JPH2: variants seen among roughly 807,000 people sequenced by gnomAD.
JPH2 encodes junctophilin 2.
A neutral mutation model predicts 55.9 loss-of-function variants in JPH2; 38 were observed. That is an observed-to-expected ratio of 0.68 (90% CI 0.52 to 0.89). JPH2 has a LOEUF of 0.89. Among genes scored for constraint, JPH2 ranks in the 40% least tolerant of loss-of-function variants. The probability of loss-of-function intolerance (pLI) is 0.00; values close to 1 mark genes in which losing one functional copy is unlikely to be tolerated. For synonymous variants in JPH2, 480 were observed against 472.4 expected (o/e 1.02, Z -0.21); for missense variants, 964 against 1,037.6 (o/e 0.93, Z 0.97).
rs543317756 is a variant in JPH2 at position 44,110,057 on chromosome 20, G to A, written c.*3461C>T. ...GGTCAAGATTAGAAGAGGAGGCATC[G>A]GCCTGGCTGTGTCCTACCCTTGAGC... On this transcript the variant is annotated 3_prime_UTR_variant, in exon 6 of 6. Transcript: ENST00000372980. Among the ~76,000 whole-genome samples the A allele has an allele frequency of 3.3e-5, 5 of 152,216 alleles. No individual in the cohort carries two copies. Among genetic ancestry groups the A allele is most frequent in the African/African-American group, 7.2e-5 (3 of 41,522 alleles).
intron 2 of JPH2, among the ~76,000 whole-genome samples, chr20:44,151,011 C>A (rs1235712581): frequency 3.3e-5 from 5 of 151,926 alleles, no homozygotes; most frequent in African/African-American, 1.2e-4. Context: ...GCCTGGGCAA[C>A]AAAGCAAGAC....
chr20:44,182,026 C>T (rs1278427787), intron 1 of JPH2, among the ~76,000 whole-genome samples: 1 of 152,214 alleles, frequency 6.6e-6, no homozygotes, highest in East Asian at 1.9e-4. Flanking sequence ...AGAGCAACCA[C>T]CATTTACTAA....
At chr20:44,146,602 C>T (rs913147111) in intron 2 of JPH2, among the ~76,000 whole-genome samples, 1 of 152,194 alleles carries the variant, frequency 6.6e-6, no homozygotes, top group African/African-American at 2.4e-5. Flanking sequence ...AGCCCATCCT[C>T]AGGGAATTCA....
At chr20:44,157,422 T>C (rs1344790038) in intron 2 of JPH2, among the ~76,000 whole-genome samples, 1 of 152,200 alleles carries the variant, frequency 6.6e-6, no homozygotes, top group African/African-American at 2.4e-5. Flanking sequence ...TTGTTGAGAC[T>C]GTATTGCAAC....
At chr20:44,117,011 T>C (rs1002826492) in intron 3 of JPH2, among the ~76,000 whole-genome samples, 10 of 152,244 alleles carry the variant, frequency 6.6e-5, no homozygotes, top group African/African-American at 2.4e-4. Context: ...CTGGGCGCGG[T>C]GGCTCACGCC....
intron 1 of JPH2, among the ~76,000 whole-genome samples, chr20:44,182,278 A>G (rs1232009110): frequency 6.6e-6 from 1 of 152,174 alleles, no homozygotes; most frequent in African/African-American, 2.4e-5. Context: ...GACTGATGAC[A>G]GGTTGATTAA....
At chr20:44,119,984 A>C (rs1043151452) in intron 2 of JPH2, among the ~76,000 whole-genome samples, 1 of 151,840 alleles carries the variant, frequency 6.6e-6, no homozygotes, top group African/African-American at 2.4e-5. Context: ...AAGGAACTCC[A>C]GCTGCAGCAG....
Position 44,160,821 on chromosome 20 carries a change from C to A in JPH2, c.380-414G>T, listed in dbSNP as rs994258576. On this transcript the variant is annotated intron_variant, in intron 1 of 5. Transcript: ENST00000372980. This position sits in a 1 kb window ranked among gnomAD's most constrained non-coding sequence, Gnocchi z 4.9. ...TCATGAGGTGGGGGCAGGTGGCTCACGCCTGTAATCCCAGCACTTGGGAAG... is the reference window on the plus strand; with the variant it reads ...TCATGAGGTGGGGGCAGGTGGCTCAAGCCTGTAATCCCAGCACTTGGGAAG... 4.6e-5 allele frequency among the ~76,000 whole-genome samples: 7 copies of A among 152,188 alleles called. No homozygotes were observed. Among genetic ancestry groups the A allele is most frequent in the Admixed American group, 4.6e-4 (7 of 15,276 alleles).
chr20:44,130,041 G>A (rs1361443297), intron 2 of JPH2, among the ~76,000 whole-genome samples: 1 of 149,418 alleles, frequency 6.7e-6, no homozygotes, highest in Non-Finnish European at 1.5e-5. Flanking sequence ...AAGCCACCGA[G>A]TTTGTAGTAA....
rs985773753 is a variant in JPH2 at position 44,111,264 on chromosome 20, C to T, written c.*2254G>A. On this transcript the variant is annotated 3_prime_UTR_variant, in exon 6 of 6. Coordinates refer to ENST00000372980, the MANE Select transcript of JPH2 (RefSeq NM_020433.5). ...TGTAGCAGAGCTAACAGCACCATAG[C>T]GTGATAACAACACTCGTCTCCATTT... is the stretch of plus-strand genomic sequence containing the variant. 2.6e-5 allele frequency among the ~76,000 whole-genome samples: 4 copies of T among 152,218 alleles called. No homozygotes were observed. Among genetic ancestry groups the T allele is most frequent in the South Asian group, 2.1e-4 (1 of 4,834 alleles).
intron 2 of JPH2, among the ~76,000 whole-genome samples, chr20:44,124,276 G>A (rs1186788983): frequency 6.6e-6 from 1 of 151,952 alleles, no homozygotes; most frequent in East Asian, 1.9e-4. Flanking sequence ...ACTAGGCATT[G>A]GTGGCTTTAT....
chr20:44,117,618 C>A (rs117566603), intron 3 of JPH2, among the ~76,000 whole-genome samples: 1 of 152,342 alleles, frequency 6.6e-6, no homozygotes, highest in Non-Finnish European at 1.5e-5. Context: ...CCTACTGAAT[C>A]AGAAACTCTG....
intron 2 of JPH2, among the ~76,000 whole-genome samples, chr20:44,149,424 T>G (rs1350389856): frequency 6.6e-6 from 1 of 152,258 alleles, no homozygotes; most frequent in African/African-American, 2.4e-5. Flanking sequence ...ATATGATTTC[T>G]CCGCCTGCAT....
chr20:44,150,199 TA>T (rs11482091), intron 2 of JPH2, among the ~76,000 whole-genome samples: 3 of 151,614 alleles, frequency 2.0e-5, no homozygotes, highest in African/African-American at 7.3e-5. Context: ...TGTCATGTCA[TA>T]AAAAAAATGA....
chr20:44,131,631 T>C (rs1217968819), intron 2 of JPH2, among the ~76,000 whole-genome samples: 1 of 152,222 alleles, frequency 6.6e-6, no homozygotes, highest in Non-Finnish European at 1.5e-5. Flanking sequence ...ATCGAAGGGT[T>C]AGCTGTTCCT....
chr20:44,166,791 T>C (rs2072658937), intron 1 of JPH2, among the ~76,000 whole-genome samples: 1 of 152,166 alleles, frequency 6.6e-6, no homozygotes. Flanking sequence ...CCCATGGCCA[T>C]CTGGCTGAGA....
Sources: gnomAD v4.1 joint callset for allele counts (sites outside exome capture counted in the v4.1 genomes callset) on GRCh38, gnomAD v4.1.1 for gene constraint, Gnocchi (gnomAD v3.1) non-coding constraint, MANE v1.5 for transcripts, NCBI Gene and HGNC (gene_info 2026-07-23, HGNC 2026-07-21) for gene names.